GALNT16: variants seen among roughly 807,000 people sequenced by gnomAD.
GALNT16 encodes UDP-GalNAc:polypeptide N-acetylgalactosaminyltransferase-like protein 1.
A neutral mutation model predicts 76.1 loss-of-function variants in GALNT16; 40 were observed. That is an observed-to-expected ratio of 0.53 (90% CI 0.41 to 0.68). GALNT16 has a LOEUF of 0.68. Among genes scored for constraint, GALNT16 ranks in the 30% least tolerant of loss-of-function variants. The pLI is 0.00. For missense variants in GALNT16, 621 were observed against 731.9 expected (o/e 0.85, Z 1.75); for synonymous variants, 276 against 285.2 (o/e 0.97, Z 0.32).
intron 5 of GALNT16, among the ~76,000 whole-genome samples, chr14:69,326,822 G>T (rs1362140411): frequency 6.6e-6 from 1 of 152,208 alleles, no homozygotes; most frequent in East Asian, 1.9e-4. Flanking sequence ...GGGAACTGGG[G>T]TTTAAGGAGC....
intron 12 of GALNT16, 35 bp downstream of exon 12, chr14:69,341,799 C>A (rs371811913): frequency 2.7e-6 from 4 of 1,495,876 alleles, no homozygotes; most frequent in Non-Finnish European, 3.7e-6. Context: ...ATCCCCCAGG[C>A]GGGTAGGGGG....
the GALNT16 span, among the ~76,000 whole-genome samples, chr14:69,380,974 T>C: frequency 2.6e-5 from 4 of 152,314 alleles, no homozygotes; most frequent in Non-Finnish European, 5.9e-5. Context: ...GTTCCTTTAG[T>C]GATTAAAAAA....
the GALNT16 span, among the ~76,000 whole-genome samples, chr14:69,373,179 T>C: frequency 6.6e-6 from 1 of 152,194 alleles, no homozygotes; most frequent in Non-Finnish European, 1.5e-5. Flanking sequence ...AGAGGCAATA[T>C]AGTTGGCCAA....
chr14:69,270,856 G>A (rs1379699279), intron 1 of GALNT16, among the ~76,000 whole-genome samples: 1 of 152,204 alleles, frequency 6.6e-6, no homozygotes. Flanking sequence ...ACACGTGATC[G>A]CCTAGTGATG....
At position 69,353,294 on chromosome 14, in the gene GALNT16, A is replaced by G. The variant is rs1233113486; in HGVS notation, c.*1126A>G. The G allele has an allele frequency of 6.6e-6, 1 of 151,974 alleles. No individual in the cohort carries two copies. The highest frequency in any genetic ancestry group is 1.5e-5 in the Non-Finnish European group (1 of 68,036). 9.4% of individuals were successfully genotyped at this position (151,974 alleles called of 1,614,324 possible). A position where few individuals can be genotyped will look rare whatever the true frequency, so the allele number is the denominator to read the frequency against. On this transcript the variant is annotated 3_prime_UTR_variant, in exon 15 of 15. Coordinates refer to ENST00000448469, the MANE Select transcript of GALNT16 (RefSeq NM_001168368.2). ...CCGCTACAGGAGCCCCTAAGTCATT[A>G]GGGCTCAACCTCACCCTTATTCCCC...
At chr14:69,339,693 A>G (rs886946212) in intron 11 of GALNT16, 74 bp downstream of exon 11, 2 of 948,842 alleles carry the variant, frequency 2.1e-6, no homozygotes, top group Non-Finnish European at 3.2e-6. Flanking sequence ...ACGAAGTGGT[A>G]TGTACGCCAG....
intron 1 of GALNT16, among the ~76,000 whole-genome samples, chr14:69,311,117 A>C (rs1355426716): frequency 2.0e-5 from 3 of 152,126 alleles, no homozygotes; most frequent in Non-Finnish European, 2.9e-5. Flanking sequence ...GGTGGCTTAT[A>C]AACAACAGAA....
intron 1 of GALNT16, among the ~76,000 whole-genome samples, chr14:69,263,323 C>G (rs1198658566): frequency 6.6e-6 from 1 of 152,234 alleles, no homozygotes; most frequent in Admixed American, 6.5e-5. Context: ...GATGTACGTT[C>G]AAGCTTCTGC....
the GALNT16 span, among the ~76,000 whole-genome samples, chr14:69,382,583 C>T: frequency 6.6e-6 from 1 of 152,038 alleles, no homozygotes; most frequent in South Asian, 2.1e-4. Flanking sequence ...CCTGTAATCC[C>T]AGCACTTTGG....
the GALNT16 span, among the ~76,000 whole-genome samples, chr14:69,371,787 T>C: frequency 6.6e-6 from 1 of 150,554 alleles, no homozygotes; most frequent in Non-Finnish European, 1.5e-5. Context: ...CTACTAAAAA[T>C]ACAAAAATTA....
At chr14:69,272,739 A>G (rs1364061720) in intron 1 of GALNT16, among the ~76,000 whole-genome samples, 1 of 152,128 alleles carries the variant, frequency 6.6e-6, no homozygotes, top group Admixed American at 6.5e-5. Context: ...TTTATCTTCT[A>G]TACTGTATTT....
chr14:69,266,130 T>G (rs1373229474), intron 1 of GALNT16, among the ~76,000 whole-genome samples: 1 of 152,212 alleles, frequency 6.6e-6, no homozygotes, highest in Non-Finnish European at 1.5e-5. Context: ...TGGAGCATCT[T>G]CTGGTCAAGA....
intron 1 of GALNT16, among the ~76,000 whole-genome samples, chr14:69,313,953 C>T (rs1188810746): frequency 6.6e-6 from 1 of 152,194 alleles, no homozygotes; most frequent in African/African-American, 2.4e-5. Flanking sequence ...CTGTGATTAG[C>T]CCCTCACCAT....
intron 14 of GALNT16, chr14:69,351,237 A>G (rs1185629675): frequency 6.6e-6 from 1 of 152,290 alleles, no homozygotes; most frequent in Admixed American, 6.5e-5. Context: ...CAGGACTGAC[A>G]AGCTCAAGTG....
chr14:69,385,786 C>T, the GALNT16 span, among the ~76,000 whole-genome samples: 2 of 152,140 alleles, frequency 1.3e-5, no homozygotes, highest in Admixed American at 6.5e-5. Context: ...CCAAAGACTT[C>T]CACAGTGTCA....
intron 1 of GALNT16, among the ~76,000 whole-genome samples, chr14:69,272,963 G>A (rs1018916275): frequency 2.6e-5 from 4 of 152,176 alleles, no homozygotes; most frequent in Non-Finnish European, 2.9e-5. Context: ...GCCTAATGAC[G>A]CATTTCTCAG....
At chr14:69,330,116 T>C (rs746711675) in intron 6 of GALNT16, among the ~76,000 whole-genome samples, 1 of 152,114 alleles carries the variant, frequency 6.6e-6, no homozygotes, top group East Asian at 1.9e-4. Flanking sequence ...TGAAAACATA[T>C]GTTCACACAA....
At chr14:69,277,094 G>A (rs773707844) in intron 1 of GALNT16, among the ~76,000 whole-genome samples, 2 of 152,228 alleles carry the variant, frequency 1.3e-5, no homozygotes, top group Non-Finnish European at 2.9e-5. Flanking sequence ...GAGATCCCAG[G>A]ACCTGCAGGC....
intron 1 of GALNT16, among the ~76,000 whole-genome samples, chr14:69,316,780 G>GGGT (rs1555399675): frequency 7.9e-6 from 1 of 126,934 alleles, no homozygotes; most frequent in South Asian, 2.7e-4. Flanking sequence ...TCTGTGAGGG[G>GGGT]GGGGGGCACT....
Sources: gnomAD v4.1 joint callset for allele counts (sites outside exome capture counted in the v4.1 genomes callset) on GRCh38, gnomAD v4.1.1 for gene constraint, MANE v1.5 for transcripts, NCBI Gene and HGNC (gene_info 2026-07-23, HGNC 2026-07-21) for gene names.